The following GRIN3A variants were observed in gnomAD, a reference collection of about 807,000 sequenced individuals.
The protein encoded by GRIN3A is glutamate receptor ionotropic, NMDA 3A.
In GRIN3A, 47 loss-of-function variants were observed where a neutral mutation model predicts 92.4. That is an observed-to-expected ratio of 0.51 (90% CI 0.40 to 0.65). The LOEUF (loss-of-function observed/expected upper bound fraction) is 0.65. Among genes scored for constraint, GRIN3A ranks in the 30% least tolerant of loss-of-function variants. The pLI is 0.00. For missense variants in GRIN3A, 1,324 were observed against 1,393.1 expected (o/e 0.95, Z 0.79); for synonymous variants, 527 against 540.6 (o/e 0.97, Z 0.35).
chr9:101,701,834 C>T (rs908413981), intron 1 of GRIN3A, among the ~76,000 whole-genome samples: 5 of 152,124 alleles, frequency 3.3e-5, no homozygotes, highest in Admixed American at 6.6e-5. Context: ...TCATTCCTCT[C>T]TCTTACCTCC....
At chr9:101,606,378 A>G (rs191757343) in intron 6 of GRIN3A, among the ~76,000 whole-genome samples, 1 of 152,180 alleles carries the variant, frequency 6.6e-6, no homozygotes, top group Admixed American at 6.5e-5. Context: ...AAACTCAGGT[A>G]TTTATTCCCT....
intron 8 of GRIN3A, among the ~76,000 whole-genome samples, chr9:101,577,338 A>G (rs527633992): frequency 8.5e-5 from 13 of 152,348 alleles, no homozygotes; most frequent in Middle Eastern, 3.4e-3. Flanking sequence ...TATTTTGTAC[A>G]TAATAATAGC....
intron 7 of GRIN3A, among the ~76,000 whole-genome samples, chr9:101,578,698 G>A (rs1035705589): frequency 5.9e-5 from 9 of 152,304 alleles, no homozygotes; most frequent in South Asian, 2.1e-4. Context: ...AAATCAGTGC[G>A]TTGATGTCTA....
intron 1 of GRIN3A, among the ~76,000 whole-genome samples, chr9:101,735,685 C>T (rs774731515): frequency 7.9e-5 from 12 of 151,850 alleles, no homozygotes; most frequent in Non-Finnish European, 1.5e-4. Flanking sequence ...GATGCTGACT[C>T]CTGCATTTTG....
At chr9:101,658,651 C>T (rs901754024) in intron 3 of GRIN3A, among the ~76,000 whole-genome samples, 1 of 151,824 alleles carries the variant, frequency 6.6e-6, no homozygotes, top group African/African-American at 2.4e-5. Flanking sequence ...AAACTCACTT[C>T]TTGAGTTTGA....
intron 2 of GRIN3A, among the ~76,000 whole-genome samples, chr9:101,679,378 T>C (rs1287610992): frequency 6.6e-6 from 1 of 152,166 alleles, no homozygotes; most frequent in Non-Finnish European, 1.5e-5. Context: ...ATCTGCTGAA[T>C]CCTAGATTAA....
intron 3 of GRIN3A, among the ~76,000 whole-genome samples, chr9:101,658,184 C>T (rs1354911744): frequency 6.6e-6 from 1 of 151,952 alleles, no homozygotes; most frequent in Non-Finnish European, 1.5e-5. Flanking sequence ...CATCTACCTT[C>T]TTTTAGCCCA....
At chr9:101,720,665 C>G (rs1479135643) in intron 1 of GRIN3A, among the ~76,000 whole-genome samples, 1 of 152,138 alleles carries the variant, frequency 6.6e-6, no homozygotes, top group African/African-American at 2.4e-5. Context: ...CATAATTCAT[C>G]TGCAAATTGT....
At chr9:101,574,483 T>C (rs1827802304) in intron 8 of GRIN3A, among the ~76,000 whole-genome samples, 2 of 152,150 alleles carry the variant, frequency 1.3e-5, no homozygotes, top group African/African-American at 4.8e-5. Flanking sequence ...TACCAAGCCA[T>C]TGTGTTTTTG....
At chr9:101,716,911 T>A (rs1829954700) in intron 1 of GRIN3A, among the ~76,000 whole-genome samples, 1 of 152,180 alleles carries the variant, frequency 6.6e-6, no homozygotes, top group African/African-American at 2.4e-5. Context: ...ATGTTCCCTG[T>A]GAGTAACAGC....
At chr9:101,663,172 C>T (rs530502358) in intron 3 of GRIN3A, among the ~76,000 whole-genome samples, 1 of 152,000 alleles carries the variant, frequency 6.6e-6, no homozygotes, top group South Asian at 2.1e-4. Context: ...TCATCAACTT[C>T]CCTTTAACTC....
intron 3 of GRIN3A, among the ~76,000 whole-genome samples, chr9:101,667,848 T>C (rs1829261621): frequency 6.6e-6 from 1 of 152,090 alleles, no homozygotes; most frequent in South Asian, 2.1e-4. Flanking sequence ...CAAACATTGC[T>C]TAGCTAAGTA....
intron 1 of GRIN3A, among the ~76,000 whole-genome samples, chr9:101,707,972 T>C (rs957496079): frequency 2.0e-5 from 3 of 152,122 alleles, no homozygotes; most frequent in African/African-American, 7.2e-5. Flanking sequence ...CATTGCACCC[T>C]GCTGATTATC....
intron 3 of GRIN3A, among the ~76,000 whole-genome samples, chr9:101,658,760 G>GTCTA (rs60257626): frequency 0.012 from 1,791 of 151,448 alleles, 39 homozygotes; most frequent in African/African-American, 0.039. Flanking sequence ...CTGTCTATCT[G>GTCTA]TCTATCTATC....
chr9:101,693,142 T>G (rs1829641082), intron 1 of GRIN3A, among the ~76,000 whole-genome samples: 1 of 151,924 alleles, frequency 6.6e-6, no homozygotes, highest in Admixed American at 6.6e-5. Context: ...TAGTGGCTCA[T>G]GCCTTTAATT....
intron 6 of GRIN3A, among the ~76,000 whole-genome samples, chr9:101,603,280 TTTC>T (rs1828235290): frequency 6.6e-6 from 1 of 152,212 alleles, no homozygotes; most frequent in Non-Finnish European, 1.5e-5. Flanking sequence ...CCAACTGTAA[TTTC>T]TTGTCTATGC....
intron 6 of GRIN3A, among the ~76,000 whole-genome samples, chr9:101,583,440 T>A (rs1827914472): frequency 6.6e-6 from 1 of 152,190 alleles, no homozygotes; most frequent in African/African-American, 2.4e-5. Flanking sequence ...AGGATCACAT[T>A]GTTTAAATGT....
At chr9:101,696,872 GATACCATAGTTGACATA>G (rs908294362) in intron 1 of GRIN3A, among the ~76,000 whole-genome samples, 3 of 152,084 alleles carry the variant, frequency 2.0e-5, no homozygotes, top group African/African-American at 7.2e-5. Context: ...CTCTAGAACT[GATACCATAGTTGACATA>G]AACTTTTTCT....
At chr9:101,682,524 A>T (rs1158774851) in intron 2 of GRIN3A, among the ~76,000 whole-genome samples, 1 of 152,202 alleles carries the variant, frequency 6.6e-6, no homozygotes, top group Non-Finnish European at 1.5e-5. Context: ...CATTCACTAG[A>T]CTGTCAGCTC....
Sources: allele counts gnomAD v4.1 joint callset (sites outside exome capture counted in the v4.1 genomes callset), GRCh38; gene constraint gnomAD v4.1.1; transcripts MANE v1.5; gene names NCBI Gene and HGNC (gene_info 2026-07-23, HGNC 2026-07-21).